Variants in CNTNAP2 observed in about 807,000 individuals in gnomAD.
CNTNAP2 encodes contactin-associated protein-like 2.
CNTNAP2 carries 98 observed loss-of-function variants against 155.2 expected under a neutral mutation model. The ratio of observed to expected loss-of-function variants is 0.63; its 90% CI spans 0.54 to 0.75. The LOEUF is 0.75. CNTNAP2 is among the 30% of genes least tolerant of loss of function. The probability of loss-of-function intolerance (pLI) is 0.00; values close to 1 mark genes in which losing one functional copy is unlikely to be tolerated. For missense variants in CNTNAP2, 1,727 were observed against 1,688.1 expected (o/e 1.02, Z -0.40); for synonymous variants, 651 against 631.2 (o/e 1.03, Z -0.47).
chr7:148,203,119 A>G (rs1471847605), intron 18 of CNTNAP2, among the ~76,000 whole-genome samples: 1 of 152,170 alleles, frequency 6.6e-6, no homozygotes, highest in Non-Finnish European at 1.5e-5. Context: ...AGAAACCACT[A>G]TTGAAAAATT....
At position 148,371,256 on chromosome 7, in the gene CNTNAP2, G is replaced by T. The variant is rs140335955; in HGVS notation, c.3476-12393G>T. On this transcript the variant is annotated intron_variant, in intron 21 of 23. Coordinates refer to ENST00000361727, the MANE Select transcript of CNTNAP2 (RefSeq NM_014141.6). Reference sequence around the variant, plus strand: ...CAGCCCCATTGTCCCAACAAAGGAGGGGGAGAGGAGGCTACGTGCAGTTAC... The same window carrying T: ...CAGCCCCATTGTCCCAACAAAGGAGTGGGAGAGGAGGCTACGTGCAGTTAC... Among the ~76,000 whole-genome samples, 647 of 152,292 alleles carry T rather than the reference G, an allele frequency of 4.2e-3. 3 individuals carry two copies. Among genetic ancestry groups the T allele is most frequent in the Middle Eastern group, 0.017 (5 of 292 alleles).
chr7:146,928,334 T>G (rs1482463113), intron 3 of CNTNAP2, among the ~76,000 whole-genome samples: 1 of 152,198 alleles, frequency 6.6e-6, no homozygotes, highest in East Asian at 1.9e-4. Flanking sequence ...TTGTGTAATT[T>G]TCTAAGCACT....
At position 147,901,143 on chromosome 7, in the gene CNTNAP2, C is replaced by T. The variant is rs769914858; in HGVS notation, c.2099-2422C>T. Among the ~76,000 whole-genome samples, 3 of 152,258 alleles carry T rather than the reference C, an allele frequency of 2.0e-5. No homozygotes were observed. The South Asian group carries it at 6.2e-4, about 32-fold the overall frequency. ...GTCCCAGCCAGCTATAACTCCTGAA[C>T]CTTTTTTGTGTGTGTTTTCTCTTCT... On this transcript the variant is annotated intron_variant, in intron 13 of 23. Coordinates refer to ENST00000361727, the MANE Select transcript of CNTNAP2 (RefSeq NM_014141.6).
At chr7:146,294,188 T>G (rs2129087124) in intron 1 of CNTNAP2, among the ~76,000 whole-genome samples, 1 of 152,332 alleles carries the variant, frequency 6.6e-6, no homozygotes, top group Non-Finnish European at 1.5e-5. Context: ...TTTTGTAAAT[T>G]TAGTGCCTTA....
rs568676463 is a variant in CNTNAP2, at chr7:148,181,826, C to T, written c.3010+9348C>T. Among the ~76,000 whole-genome samples the T allele has an allele frequency of 9.1e-5, 12 of 131,912 alleles. No homozygotes were observed. The East Asian group carries it at 3.0e-3, about 33-fold the overall frequency. The allele number at this position is 131,912 out of a possible 152,430, so 86.5% of individuals were successfully genotyped here. On this transcript the variant is annotated intron_variant, in intron 18 of 23. Transcript: ENST00000361727. ...AGGCTGGAGTTCAGTGGCACAAACTCGGCTCACTGCAAGCTCCAACTCCCG... is the reference window on the plus strand; with the variant it reads ...AGGCTGGAGTTCAGTGGCACAAACTTGGCTCACTGCAAGCTCCAACTCCCG...
At chr7:147,294,433 G>A (rs945473584) in intron 8 of CNTNAP2, among the ~76,000 whole-genome samples, 2 of 152,054 alleles carry the variant, frequency 1.3e-5, no homozygotes, top group Admixed American at 6.6e-5. Context: ...CTTCACCTTT[G>A]TCTTAGTTGT....
chr7:146,234,919 GAT>G (rs1335425101), intron 1 of CNTNAP2, among the ~76,000 whole-genome samples: 1 of 152,148 alleles, frequency 6.6e-6, no homozygotes, highest in African/African-American at 2.4e-5. Flanking sequence ...GCATGTCTGT[GAT>G]AATATTGAAA....
intron 13 of CNTNAP2, among the ~76,000 whole-genome samples, chr7:147,684,639 A>G (rs1249614518): frequency 6.6e-6 from 1 of 151,876 alleles, no homozygotes; most frequent in Non-Finnish European, 1.5e-5. Flanking sequence ...TGAATTACTT[A>G]ATTGTTACAT....
Position 147,978,405 on chromosome 7 carries a change from G to T in CNTNAP2, c.2383+416G>T, listed in dbSNP as rs113607613. ...TAGCATTATGGCTTAATGTATCATT[G>T]TAAACTTGGATTATGGCCATATAAA... On this transcript the variant is annotated intron_variant, in intron 15 of 23. Coordinates refer to ENST00000361727, the MANE Select transcript of CNTNAP2 (RefSeq NM_014141.6). Among the ~76,000 whole-genome samples the T allele has an allele frequency of 6.2e-3, 950 of 152,136 alleles. 5 individuals are homozygous for T. Among genetic ancestry groups the T allele is most frequent in the African/African-American group, 0.022 (906 of 41,524 alleles).
At chr7:147,300,654 A>G (rs949032323) in intron 9 of CNTNAP2, among the ~76,000 whole-genome samples, 3 of 152,190 alleles carry the variant, frequency 2.0e-5, no homozygotes, top group Non-Finnish European at 4.4e-5. Flanking sequence ...AACATTTATT[A>G]TCTCGCAGTT....
At chr7:147,578,400 G>A (rs1187338626) in intron 12 of CNTNAP2, among the ~76,000 whole-genome samples, 1 of 152,082 alleles carries the variant, frequency 6.6e-6, no homozygotes, top group Non-Finnish European at 1.5e-5. Flanking sequence ...TTGCTGCAAT[G>A]TCATTAAAAT....
chr7:148,010,644 C>G (rs939396564), intron 15 of CNTNAP2, among the ~76,000 whole-genome samples: 2 of 143,234 alleles, frequency 1.4e-5, no homozygotes, highest in Non-Finnish European at 3.0e-5. Flanking sequence ...GTAAAGCCAC[C>G]TCTGTCATAC....
At chr7:148,126,895 G>C (rs1804728392) in intron 16 of CNTNAP2, among the ~76,000 whole-genome samples, 1 of 152,196 alleles carries the variant, frequency 6.6e-6, no homozygotes, top group Non-Finnish European at 1.5e-5. Context: ...ACAATTCTAA[G>C]GGTTGTAAGT....
At chr7:148,298,258 C>T (rs1238437687) in intron 21 of CNTNAP2, among the ~76,000 whole-genome samples, 1 of 152,088 alleles carries the variant, frequency 6.6e-6, no homozygotes, top group Non-Finnish European at 1.5e-5. Context: ...GCTAACTCAT[C>T]ATCATCCGTA....
At chr7:146,179,255 A>G (rs973719069) in intron 1 of CNTNAP2, among the ~76,000 whole-genome samples, 2 of 152,148 alleles carry the variant, frequency 1.3e-5, no homozygotes, top group Non-Finnish European at 2.9e-5. Flanking sequence ...CGTTCTGGAC[A>G]GGGTATCGCC....
intron 5 of CNTNAP2, among the ~76,000 whole-genome samples, chr7:147,114,261 T>C (rs945411569): frequency 6.6e-6 from 1 of 152,214 alleles, no homozygotes; most frequent in Non-Finnish European, 1.5e-5. Flanking sequence ...AAGTGCTGTG[T>C]AGTGATGAGA....
At position 146,155,226 on chromosome 7, in the gene CNTNAP2, C is replaced by T. The variant is rs149602856; in HGVS notation, c.97+38253C>T. 4.1e-3 allele frequency among the ~76,000 whole-genome samples: 626 copies of T among 152,250 alleles called. 4 individuals carry two copies. The highest frequency in any genetic ancestry group is 0.017 in the Middle Eastern group (5 of 294). On this transcript the variant is annotated intron_variant, in intron 1 of 23. Coordinates refer to ENST00000361727, the MANE Select transcript of CNTNAP2 (RefSeq NM_014141.6). ...ACTCTTCAATAGGTTACACTTCCTT[C>T]GAACTGGGAAAAGGTAGCACAAATC...
At chr7:147,386,535 A>C (rs1214715719) in intron 9 of CNTNAP2, among the ~76,000 whole-genome samples, 1 of 152,114 alleles carries the variant, frequency 6.6e-6, no homozygotes, top group Non-Finnish European at 1.5e-5. Flanking sequence ...CAGGGGCAAA[A>C]TGCCACCCGT....
chr7:147,253,941 G>A (rs1447553073), intron 8 of CNTNAP2, among the ~76,000 whole-genome samples: 1 of 152,148 alleles, frequency 6.6e-6, no homozygotes, highest in East Asian at 1.9e-4. Context: ...GCCCTCTTTT[G>A]TAAGTAACTT....
Sources: allele counts gnomAD v4.1 joint callset (sites outside exome capture counted in the v4.1 genomes callset), GRCh38; gene constraint gnomAD v4.1.1; transcripts MANE v1.5; gene names NCBI Gene and HGNC (gene_info 2026-07-23, HGNC 2026-07-21).